Variants in RIMKLB observed in about 807,000 individuals in gnomAD.
RIMKLB encodes the protein ribosomal modification protein rimK like family member B.
Under a neutral mutation model 32.0 loss-of-function variants are expected in RIMKLB, and 7 were observed. The ratio of observed to expected loss-of-function variants is 0.22; its 90% CI spans 0.12 to 0.41. The LOEUF is 0.41. Ranked by LOEUF, RIMKLB falls within the 10% of genes least tolerant of loss-of-function variation. The probability of loss-of-function intolerance (pLI) is 1.00; values close to 1 mark genes in which losing one functional copy is unlikely to be tolerated. For synonymous variants in RIMKLB, 172 were observed against 185.1 expected, an observed-to-expected ratio of 0.93 and a Z score of 0.57; for missense variants, 289 against 498.7, an observed-to-expected ratio of 0.58 and a Z score of 4.00.
chr12:8,672,462 A>G, the RIMKLB span, among the ~76,000 whole-genome samples: 19,925 of 152,094 alleles, frequency 0.13, 1,794 homozygotes, highest in African/African-American at 0.25. Flanking sequence ...GGCTGGGGAG[A>G]CCTTAGAATC....
intron 2 of RIMKLB, among the ~76,000 whole-genome samples, chr12:8,740,516 C>T (rs149473622): frequency 6.6e-6 from 1 of 152,288 alleles, no homozygotes; most frequent in Non-Finnish European, 1.5e-5. Flanking sequence ...CCTGAGTCCC[C>T]AAAGTCCATT....
chr12:8,748,132 T>G (rs1948271210), intron 2 of RIMKLB, among the ~76,000 whole-genome samples: 1 of 152,162 alleles, frequency 6.6e-6, no homozygotes, highest in East Asian at 1.9e-4. Flanking sequence ...ACTAATAACC[T>G]TAAGTACCTA....
At chr12:8,684,085 G>T (rs1473493145) in intron 1 of RIMKLB, among the ~76,000 whole-genome samples, 1 of 152,044 alleles carries the variant, frequency 6.6e-6, no homozygotes, top group Admixed American at 6.5e-5. Flanking sequence ...TTATGAATTT[G>T]AGTTCTCAAT....
rs749166255 is a variant in RIMKLB at position 8,761,595 on chromosome 12, G to T, written c.697+7502G>T. The stretch of plus-strand genomic sequence containing the variant: ...TTTACCGCCTGCTTTAGCCTAATTT[G>T]TCTTTTAGTGAGCCCTGTTTACTAC... On this transcript the variant is annotated intron_variant, in intron 5 of 5. Transcript: ENST00000535829. 5.3e-5 allele frequency among the ~76,000 whole-genome samples: 8 copies of T among 152,186 alleles called. No individual in the cohort carries two copies. The East Asian group carries it at 5.8e-4, about 11-fold the overall frequency.
intron 2 of RIMKLB, among the ~76,000 whole-genome samples, chr12:8,716,454 T>A (rs1304126510): frequency 3.0e-4 from 37 of 124,552 alleles, no homozygotes; most frequent in African/African-American, 7.7e-4. Context: ...TTTTTTTTTT[T>A]AATTCACAAG....
At chr12:8,760,768 C>T (rs1371810024) in intron 5 of RIMKLB, among the ~76,000 whole-genome samples, 1 of 152,198 alleles carries the variant, frequency 6.6e-6, no homozygotes, top group Admixed American at 6.5e-5. Context: ...TGTTCATATC[C>T]TTCGCCCACT....
chr12:8,771,781 C>T lies in RIMKLB; in HGVS notation c.698-1540C>T, dbSNP rs57725063. ...CAGCAGACTAAATTTCTTCCTTATACAGTTTTCTGGAAAATGTCTTCATTA... is the reference window on the plus strand; with the variant it reads ...CAGCAGACTAAATTTCTTCCTTATATAGTTTTCTGGAAAATGTCTTCATTA... On this transcript the variant is annotated intron_variant, in intron 5 of 5. Transcript: ENST00000535829. Among the ~76,000 whole-genome samples the T allele has an allele frequency of 2.4e-3, 366 of 152,262 alleles. 4 individuals are homozygous for T. Among genetic ancestry groups the T allele is most frequent in the African/African-American group, 8.3e-3 (346 of 41,544 alleles).
rs140541110 is a variant in RIMKLB at position 8,718,663 on chromosome 12, ATATATATG to A, written c.175+4624_175+4631del. ...TCTCTCTCTCTCTCTCTATATATAT[ATATATATG>A]TGTGTGTGTGTGTGTGTGTGTGTGT... On this transcript the variant is annotated intron_variant, in intron 2 of 5. Transcript: ENST00000535829. Among the ~76,000 whole-genome samples the A allele has an allele frequency of 2.0e-3, 232 of 116,120 alleles. 1 individual carries two copies. Among genetic ancestry groups the A allele is most frequent in the African/African-American group, 6.6e-3 (220 of 33,246 alleles). 76.2% of individuals were successfully genotyped at this position (116,120 alleles called of 152,430 possible).
At chr12:8,700,792 G>A (rs1038745134) in intron 1 of RIMKLB, among the ~76,000 whole-genome samples, 10 of 152,126 alleles carry the variant, frequency 6.6e-5, no homozygotes, top group African/African-American at 1.9e-4. Context: ...GTGGCCTGGC[G>A]CAGTGGCTCA....
rs191142390 is a variant in RIMKLB at position 8,714,382 on chromosome 12, A to C, written c.175+341A>C. The stretch of plus-strand genomic sequence containing the variant: ...AACATTGTAAGACACAGTTTCTTAA[A>C]AATAAAAGTAAAGATGATTCTCAAG... On this transcript the variant is annotated intron_variant, in intron 2 of 5. Coordinates refer to ENST00000535829, the MANE Select transcript of RIMKLB (RefSeq NM_001297776.2). Among the ~76,000 whole-genome samples the C allele has an allele frequency of 1.1e-4, 17 of 152,306 alleles. No individual in the cohort carries two copies. The East Asian group carries it at 2.9e-3, about 26-fold the overall frequency.
chr12:8,772,930 G>A (rs1950524358), intron 5 of RIMKLB, among the ~76,000 whole-genome samples: 1 of 152,162 alleles, frequency 6.6e-6, no homozygotes, highest in African/African-American at 2.4e-5. Context: ...CTGTGTTCAC[G>A]TCACCACCTT....
chr12:8,718,315 T>C (rs181118117), intron 2 of RIMKLB, among the ~76,000 whole-genome samples: 57 of 152,286 alleles, frequency 3.7e-4, no homozygotes, highest in Non-Finnish European at 4.4e-5. Context: ...GTTTTATGCT[T>C]GTTCTTTGGG....
chr12:8,775,677 T>C lies in RIMKLB; in HGVS notation c.*1893T>C, dbSNP rs947551471. The C allele has an allele frequency of 1.0e-6, 1 of 985,410 alleles. No homozygotes were observed. Among genetic ancestry groups the C allele is most frequent in the African/African-American group, 1.7e-5 (1 of 57,228 alleles). 61.0% of individuals were successfully genotyped at this position (985,410 alleles called of 1,614,324 possible). On this transcript the variant is annotated 3_prime_UTR_variant, in exon 6 of 6. Transcript: ENST00000535829. Reference sequence around the variant, plus strand: ...GTTTTTCCCCCGTTTTAAAAAGGAATGTAATAAAATTTGTTTTTTCCATAG... The same window carrying C: ...GTTTTTCCCCCGTTTTAAAAAGGAACGTAATAAAATTTGTTTTTTCCATAG...
At chr12:8,681,028 A>G (rs1462406718), upstream of RIMKLB, among the ~76,000 whole-genome samples, 2 of 149,758 alleles carry the variant, frequency 1.3e-5, no homozygotes, top group African/African-American at 2.5e-5. Flanking sequence ...TTTGTCACCC[A>G]GGCAGAAGTG....
At chr12:8,701,295 A>G (rs1171113277) in intron 1 of RIMKLB, among the ~76,000 whole-genome samples, 1 of 152,144 alleles carries the variant, frequency 6.6e-6, no homozygotes, top group Non-Finnish European at 1.5e-5. Flanking sequence ...CTCCAAAAGT[A>G]TCTACGTAAT....
downstream of RIMKLB, chr12:8,780,637 T>A (rs1950975871): frequency 6.6e-6 from 1 of 152,208 alleles, no homozygotes; most frequent in Non-Finnish European, 1.5e-5. Flanking sequence ...GGCTACTGAC[T>A]TAAAGTCTGC....
intron 2 of RIMKLB, among the ~76,000 whole-genome samples, chr12:8,726,374 G>A (rs1403280991): frequency 2.0e-5 from 3 of 152,102 alleles, no homozygotes; most frequent in Non-Finnish European, 4.4e-5. Flanking sequence ...TCTTCTGCCC[G>A]TTTTTTTAGC....
chr12:8,691,235 C>T (rs1410182104), intron 1 of RIMKLB, among the ~76,000 whole-genome samples: 1 of 152,154 alleles, frequency 6.6e-6, no homozygotes, highest in Non-Finnish European at 1.5e-5. Context: ...AAGCAATCCT[C>T]CTGCCTCAAT....
intron 2 of RIMKLB, among the ~76,000 whole-genome samples, chr12:8,736,563 T>A (rs61467238): frequency 0.02 from 2,962 of 148,476 alleles, 96 homozygotes; most frequent in African/African-American, 0.071. Flanking sequence ...TCTCCCAGGC[T>A]GGAGTGCAGT....
Sources: allele counts gnomAD v4.1 joint callset (sites outside exome capture counted in the v4.1 genomes callset), GRCh38; gene constraint gnomAD v4.1.1; transcripts MANE v1.5; gene names NCBI Gene and HGNC (gene_info 2026-07-23, HGNC 2026-07-21).